Variants in FXYD6 observed in about 807,000 individuals in gnomAD.
FXYD6 encodes the protein FXYD domain containing ion transport regulator 6.
A neutral mutation model predicts 16.7 loss-of-function variants in FXYD6; 7 were observed. The ratio of observed to expected loss-of-function variants is 0.42; its 90% confidence interval spans 0.24 to 0.79. The LOEUF is 0.79. Ranked by LOEUF, FXYD6 falls within the 30% of genes least tolerant of loss-of-function variation. FXYD6 has a pLI of 0.28. For missense variants in FXYD6, 111 were observed against 116.2 expected, an observed-to-expected ratio of 0.95 and a Z score of 0.21; for synonymous variants, 49 against 43.0, an observed-to-expected ratio of 1.14 and a Z score of -0.54.
At chr11:117,840,210 C>A in intron 6 of FXYD6, 109 bp downstream of exon 6, 2 of 1,459,114 alleles carry the variant, frequency 1.4e-6, no homozygotes, top group Non-Finnish European at 1.9e-6. Context: ...CCTGGCACTG[C>A]GGGAGCATGT....
At chr11:117,839,755 G>A (rs1487718212) in intron 7 of FXYD6, 26 bp downstream of exon 7, 2 of 1,614,042 alleles carry the variant, frequency 1.2e-6, no homozygotes, top group Non-Finnish European at 1.7e-6. Context: ...GGCAACAGGG[G>A]CCAATCCAGG....
intron 1 of FXYD6, among the ~76,000 whole-genome samples, chr11:117,862,198 A>G (rs552432226): frequency 2.0e-5 from 3 of 152,372 alleles, no homozygotes; most frequent in African/African-American, 7.2e-5. Context: ...ACTGAGCTGG[A>G]AAATGGGAAG....
intron 1 of FXYD6, among the ~76,000 whole-genome samples, chr11:117,868,670 C>T (rs534361417): frequency 1.3e-5 from 2 of 152,178 alleles, no homozygotes; most frequent in East Asian, 1.9e-4. Context: ...TATTATTGTA[C>T]CAATATTTGT....
chr11:117,849,673 C>T (rs2056558236), intron 1 of FXYD6, among the ~76,000 whole-genome samples: 1 of 151,970 alleles, frequency 6.6e-6, no homozygotes, highest in African/African-American at 2.4e-5. Context: ...GCCTGCACTG[C>T]TTGCTTTTGG....
intron 1 of FXYD6, among the ~76,000 whole-genome samples, chr11:117,866,220 G>A (rs1375198405): frequency 6.6e-6 from 1 of 152,070 alleles, no homozygotes; most frequent in Non-Finnish European, 1.5e-5. Flanking sequence ...GATGGATGGT[G>A]GTGATCGTTC....
intron 1 of FXYD6, among the ~76,000 whole-genome samples, chr11:117,861,801 C>T (rs928270780): frequency 2.0e-5 from 3 of 152,186 alleles, no homozygotes; most frequent in East Asian, 1.9e-4. Flanking sequence ...GGTCACAGGA[C>T]GTGGAGGGTC....
Position 117,874,856 on chromosome 11 carries a change from C to T in FXYD6, c.-6+1736G>A, listed in dbSNP as rs76592763. 5.5e-3 allele frequency among the ~76,000 whole-genome samples: 840 copies of T among 152,356 alleles called. 34 individuals are homozygous for T. The East Asian group carries it at 0.092, about 17-fold the overall frequency. On this transcript the variant is annotated intron_variant, in intron 1 of 7. Transcript: ENST00000526014. Reference sequence around the variant, plus strand: ...CTTTGAGGAGGAGGGAAAAGGGCTGCGCCCACTCTTTATCCAACCTTCCCT... The same window carrying T: ...CTTTGAGGAGGAGGGAAAAGGGCTGTGCCCACTCTTTATCCAACCTTCCCT...
At chr11:117,875,996 G>A (rs2057253968) in intron 1 of FXYD6, among the ~76,000 whole-genome samples, 2 of 152,184 alleles carry the variant, frequency 1.3e-5, no homozygotes, top group Non-Finnish European at 2.9e-5. Context: ...AACAGGATTG[G>A]ATGGATAAGA....
intron 7 of FXYD6, chr11:117,839,280 C>T (rs916413953): frequency 1.3e-5 from 2 of 156,008 alleles, no homozygotes; most frequent in Non-Finnish European, 2.8e-5. Flanking sequence ...GTGCCCCCTA[C>T]GATGAACAAT....
intron 1 of FXYD6, among the ~76,000 whole-genome samples, chr11:117,867,072 A>G (rs891974563): frequency 6.6e-6 from 1 of 152,212 alleles, no homozygotes. Context: ...ATTTAATCAG[A>G]TTGCTTTCCA....
chr11:117,873,038 C>A (rs1422899311), intron 1 of FXYD6, among the ~76,000 whole-genome samples: 3 of 152,166 alleles, frequency 2.0e-5, no homozygotes, highest in Non-Finnish European at 4.4e-5. Context: ...GAACCCCCCC[C>A]AACCGCCGCC....
At chr11:117,850,923 T>A (rs927705990) in intron 1 of FXYD6, among the ~76,000 whole-genome samples, 3 of 152,198 alleles carry the variant, frequency 2.0e-5, no homozygotes, top group Non-Finnish European at 4.4e-5. Flanking sequence ...ACCAAAAAAA[T>A]TCAGAGTTAA....
At chr11:117,844,488 TTTTATTTA>T in intron 1 of FXYD6, among the ~76,000 whole-genome samples, 1 of 152,034 alleles carries the variant, frequency 6.6e-6, no homozygotes, top group South Asian at 2.1e-4. Context: ...ATATTTTTAT[TTTTATTTA>T]TTTATTTATT....
rs1438248633 is a variant in FXYD6, at chr11:117,839,880, T to A, written c.260-50A>T. 3.1e-6 allele frequency: 5 copies of A among 1,612,456 alleles called. No homozygotes were observed. The African/African-American group carries it at 4.0e-5, about 13-fold the overall frequency. ...ATAGTGTATAGACTCCTCACCCCCG[T>A]GGGCCACCCCCAACAGCAGCCGTGT... On this transcript the variant is annotated intron_variant, in intron 6 of 7. Transcript: ENST00000526014.
intron 5 of FXYD6, 148 bp from the exon 6 acceptor site, chr11:117,840,516 C>T (rs1210591191): frequency 2.6e-5 from 28 of 1,077,430 alleles, no homozygotes; most frequent in Non-Finnish European, 3.4e-5. Flanking sequence ...CTGTGGGATG[C>T]ATGGGACAGA....
intron 1 of FXYD6, among the ~76,000 whole-genome samples, chr11:117,866,788 C>T (rs1176260628): frequency 6.6e-6 from 1 of 152,198 alleles, no homozygotes; most frequent in Non-Finnish European, 1.5e-5. Flanking sequence ...CAGTTGTAGG[C>T]TATCCTGTCC....
chr11:117,864,597 T>G (rs1333622790), intron 1 of FXYD6, among the ~76,000 whole-genome samples: 1 of 152,204 alleles, frequency 6.6e-6, no homozygotes, highest in Non-Finnish European at 1.5e-5. Context: ...ATTGCACGTT[T>G]TTTTTTTGAG....
chr11:117,858,777 C>T (rs11216590), intron 1 of FXYD6, among the ~76,000 whole-genome samples: 8,782 of 75,112 alleles, frequency 0.12, 1,590 homozygotes, highest in East Asian at 0.27. Context: ...TCCTTCCTTC[C>T]TTCTTTCTTT....
At chr11:117,874,401 C>T (rs2134220499) in intron 1 of FXYD6, among the ~76,000 whole-genome samples, 1 of 152,300 alleles carries the variant, frequency 6.6e-6, no homozygotes, top group South Asian at 2.1e-4. Context: ...CACCCGCTTC[C>T]TCTCCTAGAT....
Sources: gnomAD v4.1 joint callset for allele counts (sites outside exome capture counted in the v4.1 genomes callset) on GRCh38, gnomAD v4.1.1 for gene constraint, MANE v1.5 for transcripts, NCBI Gene and HGNC (gene_info 2026-07-23, HGNC 2026-07-21) for gene names.